The following PPP1R12A variants were observed in gnomAD, a reference collection of about 807,000 sequenced individuals.
PPP1R12A encodes the protein myosin binding subunit.
Under a neutral mutation model 139.6 loss-of-function variants are expected in PPP1R12A, and 19 were observed. The observed-to-expected ratio is 0.14, with a 90% CI of 0.09 to 0.20. The LOEUF (loss-of-function observed/expected upper bound fraction) is 0.20, where lower values mean the gene tolerates loss of function less well. Ranked by LOEUF, PPP1R12A falls within the 10% of genes least tolerant of loss-of-function variation. The pLI is 1.00. For synonymous variants in PPP1R12A, 427 were observed against 420.6 expected (o/e 1.02, Z -0.19); for missense variants, 925 against 1,211.5 (o/e 0.76, Z 3.51).
At chr12:79,920,361 C>CT (rs1344914863) in intron 1 of PPP1R12A, among the ~76,000 whole-genome samples, 2 of 152,202 alleles carry the variant, frequency 1.3e-5, no homozygotes, top group African/African-American at 4.8e-5. Context: ...GTTCAATTCT[C>CT]TTGAGTATAC....
At chr12:79,878,085 A>G (rs1400360776) in intron 1 of PPP1R12A, among the ~76,000 whole-genome samples, 1 of 151,980 alleles carries the variant, frequency 6.6e-6, no homozygotes, top group African/African-American at 2.4e-5. Context: ...CTACAACACT[A>G]CAAAACTACA....
chr12:79,927,188 T>C (rs1426303513), intron 1 of PPP1R12A, among the ~76,000 whole-genome samples: 1 of 152,010 alleles, frequency 6.6e-6, no homozygotes, highest in African/African-American at 2.4e-5. Context: ...TCACCCTGTC[T>C]CAAAACACAC....
Position 79,808,620 on chromosome 12 carries a change from CT to C in PPP1R12A, c.1456-44del, listed in dbSNP as rs768910957. 9.0e-5 allele frequency: 105 copies of C among 1,167,196 alleles called. No homozygotes were observed. In the Middle Eastern group the frequency reaches 9.7e-4, roughly 11 times the overall value. 72.3% of individuals were successfully genotyped at this position (1,167,196 alleles called of 1,614,324 possible). ...AAATAAGTAAAAATTAATTTGGGTA[CT>C]GACTATAGGCAATGCTAAAAGTATT... is the stretch of plus-strand genomic sequence containing the variant. On this transcript the variant is annotated intron_variant, in intron 10 of 24. Coordinates refer to ENST00000450142, the MANE Select transcript of PPP1R12A (RefSeq NM_002480.3).
At chr12:79,925,426 T>C (rs929357289) in intron 1 of PPP1R12A, among the ~76,000 whole-genome samples, 2 of 152,180 alleles carry the variant, frequency 1.3e-5, no homozygotes, top group Non-Finnish European at 2.9e-5. Flanking sequence ...GATTTTATTG[T>C]TAGAGGTCAT....
rs550057492 is a variant in PPP1R12A, at chr12:79,856,509, A to G, written c.369-11089T>C. ...GTCTATTTCTTTGGATGATGTCTTC[A>G]TGACTATAAATCCATGCTGTCTTTC... On this transcript the variant is annotated intron_variant, in intron 2 of 24. Transcript: ENST00000450142. Among the ~76,000 whole-genome samples, 5 of 152,366 alleles carry G rather than the reference A, an allele frequency of 3.3e-5. No individual in the cohort carries two copies. In the East Asian group the frequency reaches 5.8e-4, roughly 18 times the overall value.
At chr12:79,889,900 C>T (rs191581395) in intron 1 of PPP1R12A, among the ~76,000 whole-genome samples, 1 of 152,252 alleles carries the variant, frequency 6.6e-6, no homozygotes, top group East Asian at 1.9e-4. Flanking sequence ...GAAGGGCAAG[C>T]AGCTCCCTTG....
chr12:79,853,958 G>T (rs1880340872), intron 2 of PPP1R12A, among the ~76,000 whole-genome samples: 1 of 152,200 alleles, frequency 6.6e-6, no homozygotes, highest in Non-Finnish European at 1.5e-5. Flanking sequence ...TCATCCACAT[G>T]TGACACCAGT....
chr12:79,924,374 GA>G (rs1887673110), intron 1 of PPP1R12A, among the ~76,000 whole-genome samples: 1 of 152,094 alleles, frequency 6.6e-6, no homozygotes, highest in Non-Finnish European at 1.5e-5. Flanking sequence ...ATATCTTTGA[GA>G]AAAACAATAG....
chr12:79,831,568 T>G (rs1210269044), intron 4 of PPP1R12A, among the ~76,000 whole-genome samples: 1 of 152,198 alleles, frequency 6.6e-6, no homozygotes, highest in Non-Finnish European at 1.5e-5. Context: ...CTGCTTTTAC[T>G]AATGAGTGGG....
chr12:79,881,605 A>G (rs377478869), intron 1 of PPP1R12A, among the ~76,000 whole-genome samples: 33 of 152,346 alleles, frequency 2.2e-4, no homozygotes, highest in African/African-American at 7.7e-4. Flanking sequence ...TGCAAGGTGA[A>G]GCAGCAAGTG....
At chr12:79,863,991 A>C (rs1178448128) in intron 2 of PPP1R12A, among the ~76,000 whole-genome samples, 1 of 152,208 alleles carries the variant, frequency 6.6e-6, no homozygotes, top group Non-Finnish European at 1.5e-5. Flanking sequence ...AAGAAGACCG[A>C]ATAGACATCT....
chr12:79,806,265 G>A lies in PPP1R12A; in HGVS notation c.1724C>T (p.Thr575Ile), dbSNP rs1451575488. The change falls in exon 13 of 25, where the codon ACA (threonine) becomes ATA (isoleucine). Residue 575 changes from threonine (T) to isoleucine (I), a missense_variant. Transcript: ENST00000450142. ...SSVPSTTSTP[T>I]VTSAAGLQKS... ...CTGAAGCCCAGCTGCAGAGGTAACT[G>A]TTGGTGTTGATGTGGTGCTTGGAAC... The A allele has an allele frequency of 6.2e-7, 1 of 1,613,938 alleles. No individual in the cohort carries two copies. Among genetic ancestry groups the A allele is most frequent in the East Asian group, 2.2e-5 (1 of 44,882 alleles).
chr12:79,832,050 T>C (rs1052347942), intron 4 of PPP1R12A, among the ~76,000 whole-genome samples: 1 of 152,172 alleles, frequency 6.6e-6, no homozygotes, highest in Admixed American at 6.5e-5. Flanking sequence ...TCTGTAGTGA[T>C]TTATTAGGCC....
Position 79,795,652 on chromosome 12 carries a change from A to G in PPP1R12A, c.2569T>C (p.Phe857Leu), listed in dbSNP as rs1872425773. ...TAGGTTCTCACATCTTGTGTCCAAA[A>G]TGAAACTCCTGTAGATCTTCTTTTC... The part of the protein sequence containing the change: ...REKRRSTGVS[F>L]WTQDSDENEQ... The change falls in exon 18 of 25, where the codon TTT becomes CTT. Residue 857 changes from phenylalanine (F) to leucine (L), a missense_variant. Around this residue, in one of 4 missense-constraint regions of PPP1R12A, gnomAD observed 315 missense variants for 363.4 expected, o/e 0.87. Transcript: ENST00000450142. 1 of 1,611,194 alleles carries G rather than the reference A, an allele frequency of 6.2e-7. No individual in the cohort carries two copies. The highest frequency in any genetic ancestry group is 1.3e-5 in the African/African-American group (1 of 74,764).
intron 2 of PPP1R12A, among the ~76,000 whole-genome samples, chr12:79,866,238 T>A (rs1242982928): frequency 6.6e-6 from 1 of 152,168 alleles, no homozygotes; most frequent in Non-Finnish European, 1.5e-5. Context: ...CCCTATTTAA[T>A]AAATGGTGTT....
At chr12:79,830,879 C>A (rs1877336256) in intron 4 of PPP1R12A, among the ~76,000 whole-genome samples, 1 of 152,010 alleles carries the variant, frequency 6.6e-6, no homozygotes, top group African/African-American at 2.4e-5. Flanking sequence ...ACTTTAGAGG[C>A]AATGGTGGTA....
chr12:79,908,917 C>T (rs1016150887), intron 1 of PPP1R12A, among the ~76,000 whole-genome samples: 1 of 152,138 alleles, frequency 6.6e-6, no homozygotes, highest in Non-Finnish European at 1.5e-5. Flanking sequence ...CCTTGGTGTA[C>T]CCTGGATGCA....
intron 21 of PPP1R12A, chr12:79,787,545 CTT>C (rs1173090492): frequency 6.6e-6 from 1 of 152,148 alleles, no homozygotes; most frequent in African/African-American, 2.4e-5. Context: ...CAGTTTTCCT[CTT>C]GTTGCCCAGG....
At chr12:79,805,851 CAT>C (rs1873761438) in intron 13 of PPP1R12A, 83 bp from the exon 14 acceptor site, 4 of 1,387,872 alleles carry the variant, frequency 2.9e-6, no homozygotes, top group Non-Finnish European at 2.9e-6. Flanking sequence ...GCTGAAAACA[CAT>C]GACTACAGGG....
Sources: gnomAD v4.1 joint callset for allele counts (sites outside exome capture counted in the v4.1 genomes callset) on GRCh38, gnomAD v4.1.1 for gene constraint, gnomAD v4.1.1 regional missense constraint, MANE v1.5 for transcripts, NCBI Gene and HGNC (gene_info 2026-07-23, HGNC 2026-07-21) for gene names.